NFATC2IP: variants seen among roughly 807,000 people sequenced by gnomAD.
NFATC2IP encodes NFATC2-interacting protein.
In NFATC2IP, 25 loss-of-function variants were observed where a neutral mutation model predicts 40.2. The ratio of observed to expected loss-of-function variants is 0.62; its 90% CI spans 0.45 to 0.87. The LOEUF (loss-of-function observed/expected upper bound fraction) is 0.87, where lower values mean the gene tolerates loss of function less well. Ranked by LOEUF, NFATC2IP falls within the 40% of genes least tolerant of loss-of-function variation. NFATC2IP has a pLI of 0.00. For missense variants in NFATC2IP, 553 were observed against 555.6 expected, an observed-to-expected ratio of 1.00 and a Z score of 0.05; for synonymous variants, 241 against 236.3, an observed-to-expected ratio of 1.02 and a Z score of -0.18.
chr16:28,953,768 A>G (rs1964990543), intron 2 of NFATC2IP, among the ~76,000 whole-genome samples: 1 of 152,088 alleles, frequency 6.6e-6, no homozygotes, highest in Non-Finnish European at 1.5e-5. Flanking sequence ...AAAATAAAAA[A>G]TTAACCAGGC....
intron 2 of NFATC2IP, among the ~76,000 whole-genome samples, chr16:28,953,729 G>A (rs553996051): frequency 3.3e-5 from 5 of 152,110 alleles, no homozygotes; most frequent in East Asian, 1.9e-4. Flanking sequence ...ACCAGCCTGC[G>A]CAACATGATG....
rs909237930 is a variant in NFATC2IP, at chr16:28,964,921, G to T, written c.*1058G>T. Reference sequence around the variant, plus strand: ...TACAGGCCACGATAAACATCCTTTCGTGTGTTCCCTTCTGTGCTTGTGTGG... The same window carrying T: ...TACAGGCCACGATAAACATCCTTTCTTGTGTTCCCTTCTGTGCTTGTGTGG... On this transcript the variant is annotated 3_prime_UTR_variant, in exon 8 of 8. Coordinates refer to ENST00000320805, the MANE Select transcript of NFATC2IP (RefSeq NM_032815.4). 6.6e-6 allele frequency: 1 copy of T among 152,204 alleles called. No individual in the cohort carries two copies. Among genetic ancestry groups the T allele is most frequent in the Non-Finnish European group, 1.5e-5 (1 of 68,038 alleles). 9.4% of individuals were successfully genotyped at this position (152,204 alleles called of 1,614,324 possible).
In NFATC2IP at chr16:28,956,300, G is replaced by A. The variant is rs765254509; in HGVS notation, c.809G>A (p.Arg270His). The change falls in exon 5 of 8, where the codon CGT becomes CAT. Residue 270 changes from arginine to histidine, a missense_variant. Transcript: ENST00000320805. ...ETPRLFPLKI[R>H]CRADLVRLPL... ...CCCCGACTCTTCCCACTCAAAATCC[G>A]TTGCCGGGCTGACCTGGTCAGATTG... 10 of 1,613,924 alleles carry A rather than the reference G, an allele frequency of 6.2e-6. No individual in the cohort carries two copies. The highest frequency in any genetic ancestry group is 7.6e-6 in the Non-Finnish European group (9 of 1,179,992).
At position 28,954,628 on chromosome 16, in the gene NFATC2IP, G is replaced by A. The variant is rs747599757; in HGVS notation, c.524G>A (p.Trp175Ter). 1 of 1,613,988 alleles carries A rather than the reference G, an allele frequency of 6.2e-7. No homozygotes were observed. Among genetic ancestry groups the A allele is most frequent in the South Asian group, 1.1e-5 (1 of 91,074 alleles). ...GGCTCCCCATCACCAGGCTCTCCCT[G>A]GAAGACAAAGCTGAGGACTAAGGAT... ...HEGSPSPGSPWKTKLRTKDKE... is the reference protein window; with the variant it reads ...HEGSPSPGSP The change falls in exon 3 of 8, where the codon TGG (tryptophan) becomes TAG (stop). Residue 175 changes from tryptophan (W) to a stop codon, truncating the protein, a stop_gained. Transcript: ENST00000320805. LOFTEE classifies it high-confidence loss of function.
chr16:28,957,515 T>C (rs1715530065), intron 5 of NFATC2IP: 1 of 151,920 alleles, frequency 6.6e-6, no homozygotes. Context: ...TGGTGGCACA[T>C]ACCTGTAGTC....
chr16:28,954,963 T>A (rs558391353), intron 3 of NFATC2IP, among the ~76,000 whole-genome samples: 1 of 152,220 alleles, frequency 6.6e-6, no homozygotes, highest in South Asian at 2.1e-4. Flanking sequence ...CTCTCTGTGC[T>A]TCTCTTTCTT....
intron 3 of NFATC2IP, among the ~76,000 whole-genome samples, chr16:28,955,190 T>G (rs892172781): frequency 5.9e-5 from 9 of 151,864 alleles, no homozygotes; most frequent in Non-Finnish European, 1.3e-4. Context: ...TGAGACCCTG[T>G]CTCTAAAAAG....
chr16:28,954,761 G>A (rs1180396304), intron 3 of NFATC2IP, 79 bp downstream of exon 3: 5 of 803,200 alleles, frequency 6.2e-6, no homozygotes, highest in Non-Finnish European at 1.1e-5. Context: ...AGGACTCTTG[G>A]GTGACTCCTG....
Position 28,954,817 on chromosome 16 carries a change from G to A in NFATC2IP, c.578+135G>A, listed in dbSNP as rs531685089. The A allele has an allele frequency of 4.2e-5, 25 of 592,318 alleles. No homozygotes were observed. The East Asian group carries it at 6.6e-4, about 16-fold the overall frequency. The allele number at this position is 592,318 out of a possible 1,614,324, so 36.7% of individuals were successfully genotyped here. On this transcript the variant is annotated intron_variant, in intron 3 of 7. Coordinates refer to ENST00000320805, the MANE Select transcript of NFATC2IP (RefSeq NM_032815.4). ...AGAAGGACTGTTGAGTTTCATGTGG[G>A]GAATGAATCGCTTGGGGAAAAGAGG...
rs771861707 is a variant in NFATC2IP at position 28,951,329 on chromosome 16, G to T, written c.318G>T (p.Pro106=). 45 of 1,407,454 alleles carry T rather than the reference G, an allele frequency of 3.2e-5. No individual in the cohort carries two copies. The highest frequency in any genetic ancestry group is 4.1e-5 in the Non-Finnish European group (44 of 1,079,638). 87.2% of individuals were successfully genotyped at this position (1,407,454 alleles called of 1,614,324 possible). A position where few individuals can be genotyped will look rare whatever the true frequency, so the allele number is the denominator to read the frequency against. Residue 106 remains proline, a synonymous_variant, in exon 1 of 8, where the codon CCG becomes CCT. Transcript: ENST00000320805. ...DRRPAGPPRE[P]VRRRRRLVLD... is the part of the protein sequence containing the mutation. ...GGCCCGCAGGACCCCCGCGGGAGCCGGTCAGGCGGCGGCGGCGGCTGGTGC... is the reference window on the plus strand; with the variant it reads ...GGCCCGCAGGACCCCCGCGGGAGCCTGTCAGGCGGCGGCGGCGGCTGGTGC...
chr16:28,956,703 A>C (rs1965026694), intron 5 of NFATC2IP: 1 of 209,074 alleles, frequency 4.8e-6, no homozygotes, highest in Non-Finnish European at 9.7e-6. Flanking sequence ...CCAGGTGTGA[A>C]GCATCCTGTC....
intron 3 of NFATC2IP, among the ~76,000 whole-genome samples, chr16:28,955,417 C>T (rs1299789069): frequency 6.6e-6 from 1 of 151,914 alleles, no homozygotes; most frequent in Non-Finnish European, 1.5e-5. Flanking sequence ...AAGTGCTTGC[C>T]GTCTGTCGGA....
chr16:28,964,351 CT>C lies in NFATC2IP; in HGVS notation c.*490del, dbSNP rs1965121230. ...CTTATACACTGGTGTGGTTGCCTGG[CT>C]TGCAGGAAATGACCAAGCTCACACA... On this transcript the variant is annotated 3_prime_UTR_variant, in exon 8 of 8. Transcript: ENST00000320805. The C allele has an allele frequency of 1.3e-5, 2 of 156,028 alleles. No homozygotes were observed. Among genetic ancestry groups the C allele is most frequent in the Middle Eastern group, 3.4e-3 (1 of 296 alleles). The allele number at this position is 156,028 out of a possible 1,614,324, so 9.7% of individuals were successfully genotyped here.
rs1320449937 is a variant in NFATC2IP, at chr16:28,964,424, T to C, written c.*561T>C. On this transcript the variant is annotated 3_prime_UTR_variant, in exon 8 of 8. Coordinates refer to ENST00000320805, the MANE Select transcript of NFATC2IP (RefSeq NM_032815.4). ...ACAACTGAGGTACTCTTTTGAAGGA[T>C]GAAGGTGGTGGATTCTCAGCCCTGG... 6.5e-6 allele frequency: 1 copy of C among 153,824 alleles called. No individual in the cohort carries two copies. Among genetic ancestry groups the C allele is most frequent in the African/African-American group, 2.4e-5 (1 of 41,464 alleles). The allele number at this position is 153,824 out of a possible 1,614,324, so 9.5% of individuals were successfully genotyped here.
At chr16:28,960,159 CAT>C (rs1398114069) in intron 7 of NFATC2IP, among the ~76,000 whole-genome samples, 3 of 152,196 alleles carry the variant, frequency 2.0e-5, no homozygotes, top group Middle Eastern at 6.3e-3. Flanking sequence ...CTTGGAAAGA[CAT>C]AGGTCATGTT....
At position 28,964,675 on chromosome 16, in the gene NFATC2IP, G is replaced by A. The variant is rs934744690; in HGVS notation, c.*812G>A. ...TATGAATGTATTTGTAAAATACCACGTTTCATGTGTGAATATGTGCTTTTA... is the reference window on the plus strand; with the variant it reads ...TATGAATGTATTTGTAAAATACCACATTTCATGTGTGAATATGTGCTTTTA... On this transcript the variant is annotated 3_prime_UTR_variant, in exon 8 of 8. Coordinates refer to ENST00000320805, the MANE Select transcript of NFATC2IP (RefSeq NM_032815.4). The A allele has an allele frequency of 1.3e-5, 2 of 152,226 alleles. No homozygotes were observed. Among genetic ancestry groups the A allele is most frequent in the African/African-American group, 4.8e-5 (2 of 41,408 alleles). 9.4% of individuals were successfully genotyped at this position (152,226 alleles called of 1,614,324 possible).
In NFATC2IP at chr16:28,951,033, C is replaced by A. The variant is rs1198012633; in HGVS notation, c.22C>A (p.Arg8=). The A allele has an allele frequency of 2.6e-6, 4 of 1,521,160 alleles. No homozygotes were observed. In the African/African-American group the frequency reaches 4.2e-5, roughly 16 times the overall value. The allele number at this position is 1,521,160 out of a possible 1,614,324, so 94.2% of individuals were successfully genotyped here. ...TGCCATGGCGGAGCCTGTGGGGAAG[C>A]GGGGCCGCTGGTCCGGAGGTAGCGG... The part of the protein sequence containing the change: MAEPVGK[R]GRWSGGSGAG... Residue 8 remains arginine, a synonymous_variant, in exon 1 of 8, where the codon CGG becomes AGG. Coordinates refer to ENST00000320805, the MANE Select transcript of NFATC2IP (RefSeq NM_032815.4).
chr16:28,957,008 C>CTTATT (rs958790017), intron 5 of NFATC2IP: 2 of 151,992 alleles, frequency 1.3e-5, no homozygotes, highest in Non-Finnish European at 1.5e-5. Flanking sequence ...TCTTTGTAGA[C>CTTATT]TTATTTTATT....
In NFATC2IP at chr16:28,966,444, TAA is replaced by T. The variant is rs869184973; in HGVS notation, c.*2601_*2602del. On this transcript the variant is annotated 3_prime_UTR_variant, in exon 8 of 8. Coordinates refer to ENST00000320805, the MANE Select transcript of NFATC2IP (RefSeq NM_032815.4). ...GGCAACACAGCGAGACCTTGTCTCT[TAA>T]AAAAAAAAAAAAAAAAAAATGAGAG... 4.5e-4 allele frequency: 55 copies of T among 122,054 alleles called. No individual in the cohort carries two copies. Among genetic ancestry groups the T allele is most frequent in the Admixed American group, 7.7e-4 (9 of 11,670 alleles). 7.6% of individuals were successfully genotyped at this position (122,054 alleles called of 1,614,324 possible).
Sources: gnomAD v4.1 joint callset for allele counts (sites outside exome capture counted in the v4.1 genomes callset) on GRCh38, gnomAD v4.1.1 for gene constraint, MANE v1.5 for transcripts, NCBI Gene and HGNC (gene_info 2026-07-23, HGNC 2026-07-21) for gene names.